Variants in DPP6 observed in about 807,000 individuals in gnomAD.
DPP6 encodes the protein A-type potassium channel modulatory protein DPP6.
In DPP6, 69 loss-of-function variants were observed where a neutral mutation model predicts 122.6. The observed-to-expected ratio is 0.56, with a 90% CI of 0.46 to 0.69. DPP6 has a LOEUF of 0.69. DPP6 is among the 30% of genes least tolerant of loss of function. DPP6 has a pLI of 0.00. For missense variants in DPP6, 928 were observed against 1,116.9 expected (o/e 0.83, Z 2.41); for synonymous variants, 418 against 433.1 (o/e 0.97, Z 0.43).
intron 7 of DPP6, among the ~76,000 whole-genome samples, chr7:154,695,452 A>C (rs1264790088): frequency 6.6e-6 from 1 of 152,216 alleles, no homozygotes; most frequent in Non-Finnish European, 1.5e-5. Context: ...GAAACTAAGA[A>C]AGTTATTACA....
rs149047494 is a variant in DPP6, at chr7:154,889,540, G to T, written c.2451+10G>T. On this transcript the variant is annotated intron_variant, in intron 25 of 25. Coordinates refer to ENST00000377770, the MANE Select transcript of DPP6 (RefSeq NM_130797.4). ...TAATTACAGCTTACAGGTACAGTAC[G>T]CATGTTACTCTGTTTTGAACCTGGA... 1.2e-6 allele frequency: 2 copies of T among 1,600,950 alleles called. No homozygotes were observed. The highest frequency in any genetic ancestry group is 1.1e-5 in the South Asian group (1 of 88,782).
chr7:154,205,317 C>T (rs1050941354), intron 1 of DPP6, among the ~76,000 whole-genome samples: 2 of 152,210 alleles, frequency 1.3e-5, no homozygotes, highest in African/African-American at 4.8e-5. Flanking sequence ...AGGACCCCTC[C>T]TGTTGTCTTT....
intron 16 of DPP6, among the ~76,000 whole-genome samples, chr7:154,830,739 A>G (rs1417438911): frequency 6.6e-6 from 1 of 152,196 alleles, no homozygotes; most frequent in East Asian, 1.9e-4. Flanking sequence ...TATTTCTACT[A>G]TCTATACGTC....
At chr7:154,741,578 G>C (rs1203565110) in intron 8 of DPP6, among the ~76,000 whole-genome samples, 1 of 152,242 alleles carries the variant, frequency 6.6e-6, no homozygotes, top group East Asian at 1.9e-4. Context: ...AAGGCCAGCT[G>C]TGTGGACACC....
chr7:154,209,988 C>A, intron 1 of DPP6, among the ~76,000 whole-genome samples: 1 of 152,166 alleles, frequency 6.6e-6, no homozygotes, highest in East Asian at 1.9e-4. Flanking sequence ...GAGGAAGCTG[C>A]AAGTGCTGCC....
the DPP6 span, among the ~76,000 whole-genome samples, chr7:153,750,134 A>G: frequency 1.3e-5 from 2 of 152,202 alleles, no homozygotes; most frequent in Non-Finnish European, 2.9e-5. Flanking sequence ...CTTGGCAGAT[A>G]AAGGAATTCT....
intron 2 of DPP6, among the ~76,000 whole-genome samples, chr7:154,472,722 G>A (rs533021268): frequency 3.3e-5 from 5 of 152,172 alleles, no homozygotes; most frequent in Non-Finnish European, 4.4e-5. Context: ...AGTTGAATGT[G>A]CAAATGAGCC....
At position 154,430,982 on chromosome 7, in the gene DPP6, G is replaced by C. The variant is rs375161937; in HGVS notation, c.244-15232G>C. The stretch of plus-strand genomic sequence containing the variant: ...TCACTAGGCTCCACGGTGCTAGAGA[G>C]GTGGATCCTGATGATGTCCTGTGCT... On this transcript the variant is annotated intron_variant, in intron 1 of 25. Transcript: ENST00000377770. 5.3e-5 allele frequency among the ~76,000 whole-genome samples: 8 copies of C among 152,198 alleles called. No individual in the cohort carries two copies. The East Asian group carries it at 1.3e-3, about 26-fold the overall frequency.
intron 1 of DPP6, among the ~76,000 whole-genome samples, chr7:154,286,992 A>G (rs1397264358): frequency 1.3e-5 from 2 of 152,046 alleles, no homozygotes; most frequent in Non-Finnish European, 2.9e-5. Flanking sequence ...TAGTAGAGAC[A>G]GGGGTTCACC....
chr7:154,346,089 C>A (rs954730591), intron 1 of DPP6, among the ~76,000 whole-genome samples: 4 of 152,104 alleles, frequency 2.6e-5, no homozygotes, highest in African/African-American at 9.7e-5. Flanking sequence ...AGAAAATGGG[C>A]CGCAATTAAA....
At chr7:154,643,528 A>AT (rs1156318196) in intron 6 of DPP6, among the ~76,000 whole-genome samples, 1 of 140,382 alleles carries the variant, frequency 7.1e-6, no homozygotes, top group African/African-American at 2.7e-5. Context: ...AAGTGCAGTG[A>AT]TACGATCTCA....
At chr7:154,396,820 C>T (rs906540912) in intron 1 of DPP6, among the ~76,000 whole-genome samples, 3 of 152,140 alleles carry the variant, frequency 2.0e-5, no homozygotes, top group Non-Finnish European at 4.4e-5. Context: ...TGGCATGCAC[C>T]TATAATGCCA....
At chr7:154,124,230 G>A (rs190809046) in intron 1 of DPP6, among the ~76,000 whole-genome samples, 1 of 152,362 alleles carries the variant, frequency 6.6e-6, no homozygotes, top group East Asian at 1.9e-4. Context: ...TGCTGGCTGT[G>A]CAGTGATGAG....
At chr7:154,322,389 G>T (rs929595424) in intron 1 of DPP6, among the ~76,000 whole-genome samples, 2 of 152,162 alleles carry the variant, frequency 1.3e-5, no homozygotes, top group African/African-American at 4.8e-5. Flanking sequence ...ACCCCACCAT[G>T]CTCTGACACT....
intron 1 of DPP6, among the ~76,000 whole-genome samples, chr7:154,424,507 A>C (rs1817731987): frequency 6.6e-6 from 1 of 152,070 alleles, no homozygotes; most frequent in Non-Finnish European, 1.5e-5. Context: ...GTGTTTTTCT[A>C]ATATCATATT....
intron 22 of DPP6, among the ~76,000 whole-genome samples, chr7:154,887,188 C>T (rs751543385): frequency 1.3e-5 from 2 of 152,182 alleles, no homozygotes; most frequent in Admixed American, 6.5e-5. Context: ...TGTGCAGAGC[C>T]CTTTCGGCCC....
At chr7:153,937,219 T>C (rs940418564) in intron 1 of DPP6, among the ~76,000 whole-genome samples, 2 of 152,110 alleles carry the variant, frequency 1.3e-5, no homozygotes, top group African/African-American at 4.8e-5. Context: ...CCTGTGGGCC[T>C]CCAGCTTCCA....
chr7:154,248,448 T>G, intron 1 of DPP6, among the ~76,000 whole-genome samples: 1 of 150,338 alleles, frequency 6.7e-6, no homozygotes, highest in African/African-American at 2.5e-5. Flanking sequence ...TATGGGAGGG[T>G]GGGGGTGGAA....
intron 4 of DPP6, among the ~76,000 whole-genome samples, chr7:154,550,796 G>T (rs1270963254): frequency 7.0e-6 from 1 of 142,760 alleles, no homozygotes; most frequent in Non-Finnish European, 1.5e-5. Flanking sequence ...TGTTGCCCAA[G>T]CTGGAGTGCA....
Sources: allele counts gnomAD v4.1 joint callset (sites outside exome capture counted in the v4.1 genomes callset), GRCh38; gene constraint gnomAD v4.1.1; transcripts MANE v1.5; gene names NCBI Gene and HGNC (gene_info 2026-07-23, HGNC 2026-07-21).